PTPN20: variants seen among roughly 807,000 people sequenced by gnomAD.
PTPN20 encodes tyrosine-protein phosphatase non-receptor type 20.
PTPN20 carries 9 observed loss-of-function variants against 35.0 expected under a neutral mutation model. The ratio of observed to expected loss-of-function variants is 0.26; its 90% CI spans 0.15 to 0.45. The LOEUF is 0.45. PTPN20 is among the 20% of genes least tolerant of loss of function. The probability of loss-of-function intolerance (pLI) is 1.00; values close to 1 mark genes in which losing one functional copy is unlikely to be tolerated. For missense variants in PTPN20, 111 were observed against 312.5 expected, an observed-to-expected ratio of 0.36 and a Z score of 4.86; for synonymous variants, 32 against 100.2, an observed-to-expected ratio of 0.32 and a Z score of 4.06.
At chr10:46,928,036 C>T (rs2038190186) in intron 1 of PTPN20, among the ~76,000 whole-genome samples, 1 of 150,196 alleles carries the variant, frequency 6.7e-6, no homozygotes, top group Admixed American at 6.6e-5. Context: ...ATAACAGAGT[C>T]ATTTCAGAAA....
intron 1 of PTPN20, among the ~76,000 whole-genome samples, chr10:46,919,516 GCT>G (rs1362665926): frequency 8.3e-6 from 1 of 121,168 alleles, no homozygotes; most frequent in Non-Finnish European, 1.7e-5. Flanking sequence ...GTTACTCTAG[GCT>G]GTATAAGTTT....
chr10:46,919,573 A>AAT lies in PTPN20; in HGVS notation c.-124+8080_-124+8081dup, dbSNP rs2034445411. Among the ~76,000 whole-genome samples, 8 of 91,398 alleles carry AAT rather than the reference A, an allele frequency of 8.8e-5. No homozygotes were observed. In the South Asian group the frequency reaches 3.6e-3, roughly 42 times the overall value. 60.0% of individuals were successfully genotyped at this position (91,398 alleles called of 152,430 possible). A position where few individuals can be genotyped will look rare whatever the true frequency, so the allele number is the denominator to read the frequency against. On this transcript the variant is annotated intron_variant, in intron 1 of 10. Transcript: ENST00000374339. ...TAATATATCATTTCACATATAGTAT[A>AAT]ATATATATACCTTACAACAGTGTGC... is the stretch of plus-strand genomic sequence containing the variant.
intron 3 of PTPN20, among the ~76,000 whole-genome samples, chr10:46,941,130 T>C (rs1435813047): frequency 1.3e-5 from 2 of 151,102 alleles, no homozygotes; most frequent in Non-Finnish European, 2.9e-5. Flanking sequence ...CATTACCCCA[T>C]TTGTGGAGAT....
At position 46,945,754 on chromosome 10, in the gene PTPN20, C is replaced by T. The variant is rs1160385653; in HGVS notation, c.228-809C>T. The stretch of plus-strand genomic sequence containing the variant: ...TTAGCGAGTCAGTTGAGTATGGAGA[C>T]GTTGCAAAGGAAACAAAGTGGGTAT... On this transcript the variant is annotated intron_variant, in intron 4 of 10. Transcript: ENST00000374339. 6.0e-5 allele frequency among the ~76,000 whole-genome samples: 9 copies of T among 150,064 alleles called. No homozygotes were observed. In the South Asian group the frequency reaches 1.9e-3, roughly 32 times the overall value.
intron 2 of PTPN20, among the ~76,000 whole-genome samples, chr10:46,935,946 A>G (rs2041466962): frequency 6.6e-6 from 1 of 150,842 alleles, no homozygotes; most frequent in Non-Finnish European, 1.5e-5. Context: ...TTTCTCTGTA[A>G]CCTCACAAAC....
Position 47,000,835 on chromosome 10 carries a change from T to C in PTPN20, c.*94T>C, listed in dbSNP as rs2059960519. The C allele has an allele frequency of 2.1e-6, 3 of 1,438,702 alleles. No homozygotes were observed. Among genetic ancestry groups the C allele is most frequent in the Non-Finnish European group, 2.9e-6 (3 of 1,020,766 alleles). The allele number at this position is 1,438,702 out of a possible 1,614,324, so 89.1% of individuals were successfully genotyped here. A position where few individuals can be genotyped will look rare whatever the true frequency, so the allele number is the denominator to read the frequency against. ...TGCACTGTGCTGAAGGGCTTTGCTA[T>C]GCATACAATCTGCTTTCTTGGTTTA... On this transcript the variant is annotated 3_prime_UTR_variant, in exon 11 of 11. Transcript: ENST00000374339.
intron 5 of PTPN20, among the ~76,000 whole-genome samples, chr10:46,960,559 T>C (rs1370365654): frequency 6.6e-6 from 1 of 151,720 alleles, no homozygotes; most frequent in Non-Finnish European, 1.5e-5. Flanking sequence ...GTATATTGTC[T>C]ACTTTTCCCA....
intron 9 of PTPN20, among the ~76,000 whole-genome samples, chr10:46,995,534 G>A (rs1352855219): frequency 2.6e-5 from 4 of 152,176 alleles, no homozygotes; most frequent in African/African-American, 7.2e-5. Flanking sequence ...CCTGTGCAAT[G>A]TATCTTCTGC....
Position 46,911,430 on chromosome 10 carries a change from G to A in PTPN20, c.-195G>A, listed in dbSNP as rs2031846468. The A allele has an allele frequency of 9.2e-6, 3 of 325,300 alleles. No homozygotes were observed. The highest frequency in any genetic ancestry group is 4.6e-5 in the African/African-American group (2 of 43,536). 20.2% of individuals were successfully genotyped at this position (325,300 alleles called of 1,614,324 possible). A position where few individuals can be genotyped will look rare whatever the true frequency, so the allele number is the denominator to read the frequency against. ...ATTGGATAGCGACGAAGGCCGGCAG[G>A]CTAGGCGTGGACCCAACTGGCGAGG... On this transcript the variant is annotated 5_prime_UTR_variant, in exon 1 of 11. Coordinates refer to ENST00000374339, the MANE Select transcript of PTPN20 (RefSeq NM_001042357.5).
At chr10:46,966,203 G>A (rs1589663327) in intron 6 of PTPN20, among the ~76,000 whole-genome samples, 1 of 151,314 alleles carries the variant, frequency 6.6e-6, no homozygotes, top group Non-Finnish European at 1.5e-5. Context: ...ACAGGCGTGA[G>A]CCACCGCGCC....
intron 2 of PTPN20, among the ~76,000 whole-genome samples, chr10:46,938,218 G>A (rs2133773257): frequency 6.9e-6 from 1 of 144,884 alleles, no homozygotes; most frequent in African/African-American, 2.6e-5. Flanking sequence ...CAAAGTGCTG[G>A]GATTACAGGC....
chr10:46,993,511 A>AC (rs538436702), intron 9 of PTPN20, among the ~76,000 whole-genome samples: 67 of 152,268 alleles, frequency 4.4e-4, no homozygotes, highest in African/African-American at 1.5e-3. Context: ...CTGATGTGGC[A>AC]CCCATAGCCT....
chr10:46,977,029 A>G (rs1368253993), intron 7 of PTPN20, among the ~76,000 whole-genome samples: 1 of 152,192 alleles, frequency 6.6e-6, no homozygotes, highest in Non-Finnish European at 1.5e-5. Context: ...GTCAAATATT[A>G]GTCTAGATGT....
At chr10:46,923,541 A>T (rs2036106049) in intron 1 of PTPN20, among the ~76,000 whole-genome samples, 1 of 150,638 alleles carries the variant, frequency 6.6e-6, no homozygotes, top group Non-Finnish European at 1.5e-5. Flanking sequence ...GGATATATTT[A>T]TATGGATACT....
chr10:46,993,171 T>G (rs1555178172), intron 9 of PTPN20, among the ~76,000 whole-genome samples: 1 of 152,210 alleles, frequency 6.6e-6, no homozygotes, highest in East Asian at 1.9e-4. Flanking sequence ...TCCAGCACAT[T>G]TGCAGCAGTG....
At chr10:47,000,012 A>T in intron 10 of PTPN20, 38 bp downstream of exon 10, 1 of 1,612,070 alleles carries the variant, frequency 6.2e-7, no homozygotes, top group African/African-American at 1.3e-5. Context: ...AAGAATAATG[A>T]ATATAAAGAT....
chr10:46,932,582 G>C, intron 2 of PTPN20, 49 bp downstream of exon 2: 1 of 1,609,400 alleles, frequency 6.2e-7, no homozygotes, highest in East Asian at 2.2e-5. Flanking sequence ...AGGAGCTACA[G>C]GAGTGCCTCT....
chr10:46,938,952 C>A (rs2042572068), intron 2 of PTPN20, among the ~76,000 whole-genome samples: 1 of 151,446 alleles, frequency 6.6e-6, no homozygotes, highest in South Asian at 2.1e-4. Flanking sequence ...TTTTGTTTGT[C>A]AGGTGAGGCT....
chr10:46,959,002 G>A lies in PTPN20; in HGVS notation c.341-5984G>A, dbSNP rs1438517470. ...AATATGTGGTCTGTTGTTGCACAGA[G>A]GATTCTGTATGTATCTGTTAGATAT... is the stretch of plus-strand genomic sequence containing the variant. On this transcript the variant is annotated intron_variant, in intron 5 of 10. Coordinates refer to ENST00000374339, the MANE Select transcript of PTPN20 (RefSeq NM_001042357.5). Among the ~76,000 whole-genome samples the A allele has an allele frequency of 2.7e-5, 4 of 147,676 alleles. No individual in the cohort carries two copies. The Admixed American group carries it at 2.7e-4, about 10-fold the overall frequency.
Sources: allele counts gnomAD v4.1 joint callset (sites outside exome capture counted in the v4.1 genomes callset), GRCh38; gene constraint gnomAD v4.1.1; transcripts MANE v1.5; gene names NCBI Gene and HGNC (gene_info 2026-07-23, HGNC 2026-07-21).